TNFRSF11A: variants seen among roughly 807,000 people sequenced by gnomAD.
TNFRSF11A encodes TNF receptor superfamily member 11a.
Under a neutral mutation model 55.7 loss-of-function variants are expected in TNFRSF11A, and 32 were observed. The ratio of observed to expected loss-of-function variants is 0.57; its 90% confidence interval spans 0.43 to 0.77. TNFRSF11A has a LOEUF of 0.77. TNFRSF11A is among the 30% of genes least tolerant of loss of function. The probability of loss-of-function intolerance (pLI) is 0.00; values close to 1 mark genes in which losing one functional copy is unlikely to be tolerated. For synonymous variants in TNFRSF11A, 311 were observed against 331.0 expected (o/e 0.94, Z 0.65); for missense variants, 753 against 809.8 (o/e 0.93, Z 0.85).
At chr18:62,367,788 C>CTT (rs67721371) in intron 8 of TNFRSF11A, among the ~76,000 whole-genome samples, 3,215 of 78,656 alleles carry the variant, frequency 0.041, 246 homozygotes, top group African/African-American at 0.095. Context: ...TCTTCTTCTT[C>CTT]TTTTTTTTTT....
chr18:62,382,403 G>A (rs187661967), intron 9 of TNFRSF11A, among the ~76,000 whole-genome samples: 11 of 152,200 alleles, frequency 7.2e-5, no homozygotes, highest in Admixed American at 7.2e-4. Context: ...GAGCCACCGC[G>A]CCCGGCCTCC....
intron 1 of TNFRSF11A, among the ~76,000 whole-genome samples, chr18:62,338,880 A>T (rs928503895): frequency 6.6e-6 from 1 of 152,204 alleles, no homozygotes; most frequent in Non-Finnish European, 1.5e-5. Flanking sequence ...GACAGGCATA[A>T]AAAGAGCCTA....
chr18:62,351,002 C>CTTTTTT lies in TNFRSF11A; in HGVS notation c.283+1078_283+1083dup, dbSNP rs71160826. Among the ~76,000 whole-genome samples, 17 of 122,694 alleles carry CTTTTTT rather than the reference C, an allele frequency of 1.4e-4. 1 individual carries two copies. The highest frequency in any genetic ancestry group is 2.0e-4 in the Non-Finnish European group (12 of 58,942). The allele number at this position is 122,694 out of a possible 152,430, so 80.5% of individuals were successfully genotyped here. A position where few individuals can be genotyped will look rare whatever the true frequency, so the allele number is the denominator to read the frequency against. ...TGTCCCTTATATTTCTTTTTTCTTT[C>CTTTTTT]TTTTTTTTTTTTTTTTTTGAGATGG... On this transcript the variant is annotated intron_variant, in intron 3 of 9. Transcript: ENST00000586569.
chr18:62,357,472 A>C (rs924744575), intron 4 of TNFRSF11A, among the ~76,000 whole-genome samples: 2 of 152,232 alleles, frequency 1.3e-5, no homozygotes, highest in African/African-American at 4.8e-5. Context: ...AAGGGGTCTA[A>C]GATCCATTGT....
chr18:62,367,788 C>CTTTTTTTTTTTTTTTTT (rs67721371), intron 8 of TNFRSF11A, among the ~76,000 whole-genome samples: 8 of 78,668 alleles, frequency 1.0e-4, no homozygotes, highest in Admixed American at 1.9e-4. Context: ...TCTTCTTCTT[C>CTTTTTTTTTTTTTTTTT]TTTTTTTTTT....
chr18:62,335,469 T>C (rs1264998852), intron 1 of TNFRSF11A, among the ~76,000 whole-genome samples: 1 of 152,124 alleles, frequency 6.6e-6, no homozygotes, highest in Non-Finnish European at 1.5e-5. Context: ...CCAGTCATCT[T>C]AACTGTGTGG....
At chr18:62,374,570 C>T (rs749928649) in intron 9 of TNFRSF11A, among the ~76,000 whole-genome samples, 1 of 152,244 alleles carries the variant, frequency 6.6e-6, no homozygotes, top group Admixed American at 6.5e-5. Context: ...TGGCATAGTT[C>T]TTGTGATTTA....
chr18:62,343,755 A>G (rs985054907), intron 1 of TNFRSF11A, among the ~76,000 whole-genome samples: 11 of 152,236 alleles, frequency 7.2e-5, no homozygotes, highest in Non-Finnish European at 1.5e-4. Flanking sequence ...GAGAAGTCAA[A>G]TCATCTTGCT....
chr18:62,372,264 G>A (rs1600411769), intron 9 of TNFRSF11A, among the ~76,000 whole-genome samples: 1 of 152,078 alleles, frequency 6.6e-6, no homozygotes, highest in African/African-American at 2.4e-5. Context: ...CTGAAGTTAC[G>A]CCTAATCCTG....
chr18:62,351,975 T>C (rs567863174), intron 3 of TNFRSF11A, among the ~76,000 whole-genome samples: 14 of 152,160 alleles, frequency 9.2e-5, no homozygotes, highest in African/African-American at 3.4e-4. Context: ...TTTTATATTT[T>C]TAGTAGAGAG....
At position 62,389,279 on chromosome 18, in the gene TNFRSF11A, C is replaced by G. The variant is rs1337449198; in HGVS notation, c.*4245C>G. The stretch of plus-strand genomic sequence containing the variant: ...CTGTGGAATTTCTGACCCCCAGAGC[C>G]CTGCTGGTGAAGTCTTGCAACCACT... On this transcript the variant is annotated 3_prime_UTR_variant, in exon 10 of 10. Coordinates refer to ENST00000586569, the MANE Select transcript of TNFRSF11A (RefSeq NM_003839.4). The G allele has an allele frequency of 6.6e-6, 1 of 152,264 alleles. No individual in the cohort carries two copies. The highest frequency in any genetic ancestry group is 1.5e-5 in the Non-Finnish European group (1 of 68,160). 9.4% of individuals were successfully genotyped at this position (152,264 alleles called of 1,614,324 possible). A position where few individuals can be genotyped will look rare whatever the true frequency, so the allele number is the denominator to read the frequency against.
chr18:62,362,490 C>CAAAAAAAAAAAAAAAAAAAAAAAAAA (rs57219485), intron 7 of TNFRSF11A, among the ~76,000 whole-genome samples: 3 of 75,872 alleles, frequency 4.0e-5, no homozygotes, highest in Non-Finnish European at 4.8e-5. Context: ...AACTTCATCT[C>CAAAAAAAAAAAAAAAAAAAAAAAAAA]AAAAAAAAAA....
chr18:62,332,809 A>G (rs1279844380), intron 1 of TNFRSF11A, among the ~76,000 whole-genome samples: 1 of 152,026 alleles, frequency 6.6e-6, no homozygotes, highest in Non-Finnish European at 1.5e-5. Flanking sequence ...AACAAAACCC[A>G]CCAAGTATTT....
In TNFRSF11A at chr18:62,388,410, A is replaced by C. The variant is rs1426738880; in HGVS notation, c.*3376A>C. The stretch of plus-strand genomic sequence containing the variant: ...CCAAAGCAGGTCACAAAGGCAGCCC[A>C]GATCCAAGGGATGGGGGAGCAGCAT... On this transcript the variant is annotated 3_prime_UTR_variant, in exon 10 of 10. Transcript: ENST00000586569. 6.6e-6 allele frequency: 1 copy of C among 152,364 alleles called. No homozygotes were observed. Among genetic ancestry groups the C allele is most frequent in the Non-Finnish European group, 1.5e-5 (1 of 68,130 alleles). 9.4% of individuals were successfully genotyped at this position (152,364 alleles called of 1,614,324 possible).
intron 3 of TNFRSF11A, among the ~76,000 whole-genome samples, chr18:62,353,404 C>T (rs368485248): frequency 3.3e-5 from 5 of 152,278 alleles, no homozygotes; most frequent in African/African-American, 1.2e-4. Flanking sequence ...CTCTTCAGCA[C>T]GACAGTTGGG....
At chr18:62,372,460 A>G (rs1910617229) in intron 9 of TNFRSF11A, among the ~76,000 whole-genome samples, 1 of 151,088 alleles carries the variant, frequency 6.6e-6, no homozygotes, top group Non-Finnish European at 1.5e-5. Flanking sequence ...TCTGAGCTGG[A>G]GAAAGTTGGG....
intron 9 of TNFRSF11A, among the ~76,000 whole-genome samples, chr18:62,377,078 A>T (rs1418401596): frequency 4.6e-5 from 7 of 151,898 alleles, no homozygotes; most frequent in Non-Finnish European, 8.8e-5. Context: ...CATGCCCAGC[A>T]AATTTTTTGT....
chr18:62,349,875 A>G lies in TNFRSF11A; in HGVS notation c.221A>G (p.Asp74Gly), dbSNP rs2046440314. ...SDSVCLPCGP[D>G]EYLDSWNEED... Reference sequence around the variant, plus strand: ...AGTGTATGTCTGCCCTGTGGCCCGGATGAATACTTGGATAGCTGGAATGAA... The same window carrying G: ...AGTGTATGTCTGCCCTGTGGCCCGGGTGAATACTTGGATAGCTGGAATGAA... Residue 74 changes from aspartate to glycine, a missense_variant, in exon 3 of 10, where the codon GAT becomes GGT. Physicochemically the swap from Asp to Gly is moderately conservative, Grantham distance 94 (BLOSUM62 -1). Coordinates refer to ENST00000586569, the MANE Select transcript of TNFRSF11A (RefSeq NM_003839.4). 1 of 1,614,142 alleles carries G rather than the reference A, an allele frequency of 6.2e-7. No individual in the cohort carries two copies. Among genetic ancestry groups the G allele is most frequent in the Non-Finnish European group, 8.5e-7 (1 of 1,180,006 alleles).
intron 9 of TNFRSF11A, among the ~76,000 whole-genome samples, chr18:62,377,204 C>G (rs551814607): frequency 3.9e-5 from 6 of 152,166 alleles, no homozygotes; most frequent in Admixed American, 1.3e-4. Flanking sequence ...CGTGAGCCAC[C>G]GTGCCTGGCC....
Sources: gnomAD v4.1 joint callset for allele counts (sites outside exome capture counted in the v4.1 genomes callset) on GRCh38, gnomAD v4.1.1 for gene constraint, MANE v1.5 for transcripts, NCBI Gene and HGNC (gene_info 2026-07-23, HGNC 2026-07-21) for gene names.